Variants in XKR4 observed in about 807,000 individuals in gnomAD.
XKR4 encodes XK related 4, also known as XK-related protein 4.
Under a neutral mutation model 53.9 loss-of-function variants are expected in XKR4, and 12 were observed. That is an observed-to-expected ratio of 0.22 (90% CI 0.14 to 0.36). XKR4 has a LOEUF of 0.36. Among genes scored for constraint, XKR4 ranks in the 10% least tolerant of loss-of-function variants. The probability of loss-of-function intolerance (pLI) is 1.00; values close to 1 mark genes in which losing one functional copy is unlikely to be tolerated. For synonymous variants in XKR4, 354 were observed against 362.4 expected (o/e 0.98, Z 0.26); for missense variants, 799 against 859.5 (o/e 0.93, Z 0.88).
At chr8:55,127,041 G>A (rs113493881) in intron 1 of XKR4, among the ~76,000 whole-genome samples, 2 of 152,234 alleles carry the variant, frequency 1.3e-5, no homozygotes, top group Non-Finnish European at 2.9e-5. Flanking sequence ...ATCATACATA[G>A]CAAGTGATGA....
chr8:55,525,204 T>C lies in XKR4; in HGVS notation c.*977T>C, dbSNP rs1006884055. The C allele has an allele frequency of 1.3e-5, 2 of 152,564 alleles. No individual in the cohort carries two copies. Among genetic ancestry groups the C allele is most frequent in the African/African-American group, 2.4e-5 (1 of 41,412 alleles). 9.5% of individuals were successfully genotyped at this position (152,564 alleles called of 1,614,324 possible). On this transcript the variant is annotated 3_prime_UTR_variant, in exon 3 of 3. Transcript: ENST00000327381. Reference sequence around the variant, plus strand: ...CAGAATGAGTGGCTCTGTGTGACCATAGGCAGATGCTGACTCTGGAAGACT... The same window carrying C: ...CAGAATGAGTGGCTCTGTGTGACCACAGGCAGATGCTGACTCTGGAAGACT...
chr8:55,538,952 G>A lies in XKR4; in HGVS notation c.*14725G>A, dbSNP rs946928265. ...GTTATAACTACATTTCAAATATTTC[G>A]GAGAAGTTTTTACACAGGGCTTCAG... On this transcript the variant is annotated 3_prime_UTR_variant, in exon 3 of 3. Transcript: ENST00000327381. 2.6e-5 allele frequency: 4 copies of A among 152,034 alleles called. No individual in the cohort carries two copies. The highest frequency in any genetic ancestry group is 4.8e-5 in the African/African-American group (2 of 41,374). 9.4% of individuals were successfully genotyped at this position (152,034 alleles called of 1,614,324 possible).
intron 2 of XKR4, among the ~76,000 whole-genome samples, chr8:55,407,601 T>C (rs1257552246): frequency 6.6e-6 from 1 of 152,064 alleles, no homozygotes; most frequent in African/African-American, 2.4e-5. Flanking sequence ...CTCCACCGGC[T>C]CCACCGCACT....
At chr8:55,364,575 C>T (rs1160862594) in intron 2 of XKR4, among the ~76,000 whole-genome samples, 1 of 152,108 alleles carries the variant, frequency 6.6e-6, no homozygotes, top group Non-Finnish European at 1.5e-5. Context: ...TTCTCAATGT[C>T]CTTCTTATTG....
intron 1 of XKR4, among the ~76,000 whole-genome samples, chr8:55,120,730 A>C (rs918369919): frequency 1.3e-5 from 2 of 152,154 alleles, no homozygotes; most frequent in East Asian, 3.9e-4. Context: ...TTGATATATT[A>C]TCATGAACTA....
chr8:55,504,187 T>TTTTTGTTTTG (rs34175312), intron 2 of XKR4, among the ~76,000 whole-genome samples: 2,353 of 145,980 alleles, frequency 0.016, 36 homozygotes, highest in African/African-American at 0.02. Context: ...GTTGTTGTTG[T>TTTTTGTTTTG]TTTTGTTTTG....
intron 1 of XKR4, among the ~76,000 whole-genome samples, chr8:55,306,180 A>C (rs1207587401): frequency 6.6e-6 from 1 of 152,210 alleles, no homozygotes; most frequent in Admixed American, 6.5e-5. Context: ...TGGGCCGATA[A>C]ACTGAACATG....
chr8:55,118,377 A>G (rs1360426341), intron 1 of XKR4, among the ~76,000 whole-genome samples: 1 of 152,180 alleles, frequency 6.6e-6, no homozygotes, highest in African/African-American at 2.4e-5. Flanking sequence ...TACCCCACAT[A>G]TGTTCATGAA....
chr8:55,221,850 C>T (rs942902878), intron 1 of XKR4, among the ~76,000 whole-genome samples: 1 of 152,216 alleles, frequency 6.6e-6, no homozygotes, highest in African/African-American at 2.4e-5. Context: ...CACTGGCCCA[C>T]TCCAGCCACC....
intron 2 of XKR4, among the ~76,000 whole-genome samples, chr8:55,478,810 T>G (rs1447688608): frequency 6.6e-6 from 1 of 152,078 alleles, no homozygotes; most frequent in Non-Finnish European, 1.5e-5. Flanking sequence ...AGAAGGCCAT[T>G]ACATAATGGT....
chr8:55,295,379 T>C (rs1433733149), intron 1 of XKR4, among the ~76,000 whole-genome samples: 1 of 152,220 alleles, frequency 6.6e-6, no homozygotes, highest in Non-Finnish European at 1.5e-5. Context: ...TTTAGTATTA[T>C]TAATAAGACT....
At chr8:55,243,160 T>C (rs1818235134) in intron 1 of XKR4, among the ~76,000 whole-genome samples, 1 of 152,212 alleles carries the variant, frequency 6.6e-6, no homozygotes. Context: ...ATACATTTGT[T>C]ACAGTTGACT....
chr8:55,448,572 T>G (rs1418121386), intron 2 of XKR4, among the ~76,000 whole-genome samples: 1 of 152,250 alleles, frequency 6.6e-6, no homozygotes, highest in African/African-American at 2.4e-5. Context: ...AGGTGGAGTT[T>G]GCTAACTAGC....
chr8:55,181,788 G>C (rs1268434438), intron 1 of XKR4, among the ~76,000 whole-genome samples: 1 of 152,020 alleles, frequency 6.6e-6, no homozygotes, highest in Non-Finnish European at 1.5e-5. Flanking sequence ...CAGCTATGGA[G>C]CACCGAGAAG....
intron 2 of XKR4, among the ~76,000 whole-genome samples, chr8:55,519,361 C>T (rs1439924997): frequency 2.6e-5 from 4 of 152,098 alleles, no homozygotes; most frequent in African/African-American, 9.7e-5. Flanking sequence ...CTGAAGGAAT[C>T]GTCATATTTT....
At chr8:55,327,619 C>G (rs1803313385) in intron 1 of XKR4, among the ~76,000 whole-genome samples, 1 of 152,174 alleles carries the variant, frequency 6.6e-6, no homozygotes, top group African/African-American at 2.4e-5. Context: ...TGGAGCCATA[C>G]TTGAATGAGA....
chr8:55,210,321 T>A (rs1471505472), intron 1 of XKR4, among the ~76,000 whole-genome samples: 4 of 152,252 alleles, frequency 2.6e-5, no homozygotes, highest in African/African-American at 9.6e-5. Context: ...TGACCTCAAA[T>A]GATCCACCTG....
chr8:55,141,656 T>TCC (rs1816704154), intron 1 of XKR4, among the ~76,000 whole-genome samples: 2 of 146,832 alleles, frequency 1.4e-5, no homozygotes, highest in Non-Finnish European at 3.0e-5. Context: ...TCTCTCTCTC[T>TCC]CTCTCTCTCT....
In XKR4 at chr8:55,114,967, TC is replaced by T. The variant is rs568128552; in HGVS notation, c.806+11679del. Among the ~76,000 whole-genome samples the T allele has an allele frequency of 2.4e-4, 36 of 152,260 alleles. No homozygotes were observed. The South Asian group carries it at 7.3e-3, about 31-fold the overall frequency. ...TAGGAAAGCAGCCTAGTCATGGGCATCCCCCCTAAATCTCTTTGTGATGATG... is the reference window on the plus strand; with the variant it reads ...TAGGAAAGCAGCCTAGTCATGGGCATCCCCCTAAATCTCTTTGTGATGATG... On this transcript the variant is annotated intron_variant, in intron 1 of 2. Coordinates refer to ENST00000327381, the MANE Select transcript of XKR4 (RefSeq NM_052898.2).
Sources: allele counts gnomAD v4.1 joint callset (sites outside exome capture counted in the v4.1 genomes callset), GRCh38; gene constraint gnomAD v4.1.1; transcripts MANE v1.5; gene names NCBI Gene and HGNC (gene_info 2026-07-23, HGNC 2026-07-21).